Variants in ANKS1B observed in about 807,000 individuals in gnomAD.
The protein encoded by ANKS1B is ankyrin repeat and sterile alpha motif domain containing 1B, also known as ankyrin repeat and sterile alpha motif domain-containing protein 1B.
Under a neutral mutation model 148.3 loss-of-function variants are expected in ANKS1B, and 36 were observed. The ratio of observed to expected loss-of-function variants is 0.24; its 90% CI spans 0.19 to 0.32. The LOEUF (loss-of-function observed/expected upper bound fraction) is 0.32. Among genes scored for constraint, ANKS1B ranks in the 10% least tolerant of loss-of-function variants. The pLI, the probability that ANKS1B is intolerant of heterozygous loss-of-function variation, is 1.00. For missense variants in ANKS1B, 1,157 were observed against 1,542.6 expected (o/e 0.75, Z 4.19); for synonymous variants, 542 against 560.8 (o/e 0.97, Z 0.47).
chr12:99,085,794 A>G (rs1435730063), intron 15 of ANKS1B, among the ~76,000 whole-genome samples: 1 of 152,176 alleles, frequency 6.6e-6, no homozygotes, highest in Non-Finnish European at 1.5e-5. Context: ...GTTCTCGCTT[A>G]TAAGTAGGAG....
At chr12:99,720,641 G>C (rs1376617411) in intron 8 of ANKS1B, among the ~76,000 whole-genome samples, 1 of 152,052 alleles carries the variant, frequency 6.6e-6, no homozygotes, top group African/African-American at 2.4e-5. Context: ...TCAGAATTCA[G>C]GCCTATCCTC....
chr12:99,657,659 A>ATATATATATATT lies in ANKS1B; in HGVS notation c.1129-2450_1129-2449insAATATATATATA, dbSNP rs66516058. Among the ~76,000 whole-genome samples the ATATATATATATT allele has an allele frequency of 5.1e-3, 747 of 146,738 alleles. 8 individuals are homozygous for ATATATATATATT. Among genetic ancestry groups the ATATATATATATT allele is most frequent in the African/African-American group, 0.01 (399 of 39,370 alleles). On this transcript the variant is annotated intron_variant, in intron 8 of 26. Coordinates refer to ENST00000683438, the MANE Select transcript of ANKS1B (RefSeq NM_001352186.2). ...AATCTGAAAGAGTATATATATATAT[A>ATATATATATATT]TGATAAAGTTGTTCACAGGAATAAA...
chr12:99,369,098 T>C (rs1258879714), intron 12 of ANKS1B, among the ~76,000 whole-genome samples: 1 of 152,120 alleles, frequency 6.6e-6, no homozygotes, highest in East Asian at 1.9e-4. Context: ...AAACAGACCT[T>C]GCAATGAAGT....
At chr12:99,236,934 C>T (rs557362007) in intron 14 of ANKS1B, among the ~76,000 whole-genome samples, 11 of 152,064 alleles carry the variant, frequency 7.2e-5, no homozygotes, top group African/African-American at 2.4e-4. Flanking sequence ...GAACAACACA[C>T]GCTGATATCT....
chr12:99,024,193 C>A (rs2099947441), intron 17 of ANKS1B, among the ~76,000 whole-genome samples: 2 of 152,070 alleles, frequency 1.3e-5, no homozygotes, highest in African/African-American at 4.8e-5. Context: ...GAATAAGCAA[C>A]AGCACAGTAC....
chr12:99,167,340 T>A (rs1430868397), intron 14 of ANKS1B, among the ~76,000 whole-genome samples: 1 of 152,104 alleles, frequency 6.6e-6, no homozygotes. Flanking sequence ...AATCATGTGA[T>A]AACAAATGTA....
At chr12:98,960,788 A>G (rs1437331467) in intron 17 of ANKS1B, among the ~76,000 whole-genome samples, 3 of 152,220 alleles carry the variant, frequency 2.0e-5, no homozygotes, top group African/African-American at 4.8e-5. Flanking sequence ...GAATTCTATC[A>G]GATACATTTA....
At chr12:98,848,581 C>T (rs555553580) in intron 17 of ANKS1B, among the ~76,000 whole-genome samples, 22 of 144,396 alleles carry the variant, frequency 1.5e-4, no homozygotes, top group Non-Finnish European at 2.4e-4. Context: ...TTTTTTGATG[C>T]GGAGTCTCGC....
intron 12 of ANKS1B, among the ~76,000 whole-genome samples, chr12:99,250,868 A>T (rs2074493341): frequency 6.6e-6 from 1 of 152,236 alleles, no homozygotes; most frequent in African/African-American, 2.4e-5. Flanking sequence ...ATTTGGGCTG[A>T]TATAACAAAA....
intron 17 of ANKS1B, among the ~76,000 whole-genome samples, chr12:98,885,144 A>G (rs2099736507): frequency 6.6e-6 from 1 of 152,208 alleles, no homozygotes; most frequent in Non-Finnish European, 1.5e-5. Flanking sequence ...CTGATTTAAG[A>G]TGGAAAATTT....
chr12:99,469,975 G>T (rs1055117970), intron 10 of ANKS1B, among the ~76,000 whole-genome samples: 1 of 151,768 alleles, frequency 6.6e-6, no homozygotes, highest in Non-Finnish European at 1.5e-5. Context: ...ACAAATTAGT[G>T]GGATTTGGTG....
At chr12:99,533,437 AG>A (rs1443841153) in intron 9 of ANKS1B, among the ~76,000 whole-genome samples, 1 of 152,048 alleles carries the variant, frequency 6.6e-6, no homozygotes, top group Non-Finnish European at 1.5e-5. Context: ...AGTCTTTTGG[AG>A]GAGTCTTTGG....
chr12:99,015,104 G>A (rs956707067), intron 17 of ANKS1B, among the ~76,000 whole-genome samples: 2 of 152,172 alleles, frequency 1.3e-5, no homozygotes, highest in Non-Finnish European at 1.5e-5. Flanking sequence ...ATTCATAATA[G>A]CAAAGACATG....
chr12:99,307,397 G>A (rs1339297527), intron 12 of ANKS1B, among the ~76,000 whole-genome samples: 1 of 152,012 alleles, frequency 6.6e-6, no homozygotes, highest in Non-Finnish European at 1.5e-5. Context: ...TGAATAATCT[G>A]GAGTCAAACA....
At chr12:99,180,836 A>C (rs2079031180) in intron 14 of ANKS1B, among the ~76,000 whole-genome samples, 1 of 151,688 alleles carries the variant, frequency 6.6e-6, no homozygotes, top group African/African-American at 2.4e-5. Context: ...GGTCTTTCTG[A>C]TCCTCTCCTG....
rs549718158 is a variant in ANKS1B, at chr12:98,794,120, G to A, written c.3342+4814C>T. 9.9e-5 allele frequency among the ~76,000 whole-genome samples: 15 copies of A among 152,180 alleles called. No individual in the cohort carries two copies. The East Asian group carries it at 2.3e-3, about 24-fold the overall frequency. Reference sequence around the variant, plus strand: ...AAAGTGGTAATTCTTGGCCAGGCGCGGTGGCTCACGCCTGTAATCCCAGCA... The same window carrying A: ...AAAGTGGTAATTCTTGGCCAGGCGCAGTGGCTCACGCCTGTAATCCCAGCA... On this transcript the variant is annotated intron_variant, in intron 22 of 26. Coordinates refer to ENST00000683438, the MANE Select transcript of ANKS1B (RefSeq NM_001352186.2).
intron 9 of ANKS1B, among the ~76,000 whole-genome samples, chr12:99,600,209 G>A (rs1229225773): frequency 6.6e-6 from 1 of 151,978 alleles, no homozygotes; most frequent in African/African-American, 2.4e-5. Context: ...GGGTCCTGGT[G>A]CTAGGGACCT....
chr12:99,124,221 G>C (rs1243914661), intron 15 of ANKS1B, among the ~76,000 whole-genome samples: 1 of 152,182 alleles, frequency 6.6e-6, no homozygotes, highest in East Asian at 1.9e-4. Context: ...AAACAGAGGA[G>C]AGGTGATGAC....
chr12:99,659,495 T>G (rs1317430257), intron 8 of ANKS1B, among the ~76,000 whole-genome samples: 1 of 152,174 alleles, frequency 6.6e-6, no homozygotes, highest in East Asian at 1.9e-4. Context: ...CAATTCTATG[T>G]TGTTGCAAAT....
Sources: gnomAD v4.1 joint callset for allele counts (sites outside exome capture counted in the v4.1 genomes callset) on GRCh38, gnomAD v4.1.1 for gene constraint, MANE v1.5 for transcripts, NCBI Gene and HGNC (gene_info 2026-07-23, HGNC 2026-07-21) for gene names.